The following NFIA variants were observed in gnomAD, a reference collection of about 807,000 sequenced individuals.
NFIA encodes the protein nuclear factor I A.
NFIA carries 8 observed loss-of-function variants against 62.8 expected under a neutral mutation model. That is an observed-to-expected ratio of 0.13 (90% CI 0.07 to 0.23). The LOEUF is 0.23. Ranked by LOEUF, NFIA falls within the 10% of genes least tolerant of loss-of-function variation. The pLI, the probability that NFIA is intolerant of heterozygous loss-of-function variation, is 1.00. For missense variants in NFIA, 410 were observed against 642.1 expected, an observed-to-expected ratio of 0.64 and a Z score of 3.91; for synonymous variants, 235 against 238.1, an observed-to-expected ratio of 0.99 and a Z score of 0.12.
At chr1:61,256,352 C>T (rs1656393893) in intron 2 of NFIA, among the ~76,000 whole-genome samples, 1 of 150,068 alleles carries the variant, frequency 6.7e-6, no homozygotes, top group Admixed American at 6.7e-5. Flanking sequence ...AGGAGAATCG[C>T]TTGAACCGAG....
At chr1:61,112,829 T>A (rs1053504749) in intron 2 of NFIA, among the ~76,000 whole-genome samples, 2 of 152,176 alleles carry the variant, frequency 1.3e-5, no homozygotes, top group Middle Eastern at 3.2e-3. Context: ...TTCATATGCA[T>A]TGATTATTAT....
chr1:61,128,915 GTTTTTTTTTTTTT>G (rs10635152), intron 2 of NFIA, among the ~76,000 whole-genome samples: 10 of 74,138 alleles, frequency 1.3e-4, no homozygotes, highest in African/African-American at 5.7e-4. Context: ...GCTTACTTAT[GTTTTTTTTTTTTT>G]TTTTTTTTTT....
chr1:61,207,316 C>A (rs1437949059), intron 2 of NFIA, among the ~76,000 whole-genome samples: 2 of 152,228 alleles, frequency 1.3e-5, no homozygotes, highest in South Asian at 2.1e-4. Flanking sequence ...AAACAATAGA[C>A]CCATTTCACA....
At position 61,456,510 on chromosome 1, in the gene NFIA, G is replaced by A. The variant is rs1668307613; in HGVS notation, c.*1190G>A. 6.6e-6 allele frequency: 1 copy of A among 151,920 alleles called. No individual in the cohort carries two copies. The highest frequency in any genetic ancestry group is 1.5e-5 in the Non-Finnish European group (1 of 67,914). 9.4% of individuals were successfully genotyped at this position (151,920 alleles called of 1,614,324 possible). On this transcript the variant is annotated 3_prime_UTR_variant, in exon 11 of 11. Coordinates refer to ENST00000403491, the MANE Select transcript of NFIA (RefSeq NM_001134673.4). ...ATCATGGTATCTGTTAATTTTATAA[G>A]CTAGAAGTCACTATAATGGATTACG... is the stretch of plus-strand genomic sequence containing the variant.
rs564333462 is a variant in NFIA, at chr1:61,412,916, T to C, written c.1420+6189T>C. ...ACTTTAAGTTCCAATTTTTATATTG[T>C]AGATTGGAATCAATATACTATAAAA... On this transcript the variant is annotated intron_variant, in intron 9 of 10. Coordinates refer to ENST00000403491, the MANE Select transcript of NFIA (RefSeq NM_001134673.4). Among the ~76,000 whole-genome samples, 7 of 152,268 alleles carry C rather than the reference T, an allele frequency of 4.6e-5. 1 individual carries two copies. The South Asian group carries it at 1.4e-3, about 32-fold the overall frequency.
intron 9 of NFIA, among the ~76,000 whole-genome samples, chr1:61,425,704 A>G (rs1666835113): frequency 6.6e-6 from 1 of 152,226 alleles, no homozygotes; most frequent in African/African-American, 2.4e-5. Context: ...GCTCTTAAGT[A>G]CAGATACAAA....
At chr1:61,375,267 C>A (rs542870699) in intron 6 of NFIA, among the ~76,000 whole-genome samples, 1 of 152,242 alleles carries the variant, frequency 6.6e-6, no homozygotes, top group South Asian at 2.1e-4. Context: ...TACTGGTACT[C>A]AGCATTCATG....
chr1:61,446,472 G>A (rs572299953), intron 10 of NFIA, among the ~76,000 whole-genome samples: 2 of 152,158 alleles, frequency 1.3e-5, no homozygotes, highest in African/African-American at 4.8e-5. Flanking sequence ...CTAACTTGAG[G>A]GGTGGGAGGA....
chr1:61,393,204 T>A (rs1665073240), intron 7 of NFIA, among the ~76,000 whole-genome samples: 1 of 96,256 alleles, frequency 1.0e-5, no homozygotes, highest in Non-Finnish European at 1.9e-5. Flanking sequence ...AACTTGTATC[T>A]CCTCTTTATG....
chr1:61,302,531 T>C (rs1379688499), intron 3 of NFIA, among the ~76,000 whole-genome samples: 1 of 152,106 alleles, frequency 6.6e-6, no homozygotes, highest in Non-Finnish European at 1.5e-5. Context: ...AAACATGTGG[T>C]GTGTGTTGGG....
At chr1:61,167,272 A>T (rs1317252285) in intron 2 of NFIA, among the ~76,000 whole-genome samples, 1 of 152,244 alleles carries the variant, frequency 6.6e-6, no homozygotes, top group African/African-American at 2.4e-5. Flanking sequence ...GAGTGTACTC[A>T]TGTATGATCG....
intron 2 of NFIA, among the ~76,000 whole-genome samples, chr1:61,185,371 AAG>A (rs1233012845): frequency 1.3e-5 from 2 of 152,226 alleles, no homozygotes; most frequent in Non-Finnish European, 2.9e-5. Flanking sequence ...AAAGGAAAAA[AAG>A]GGGAATATCT....
intron 4 of NFIA, 128 bp downstream of exon 4, chr1:61,332,714 GAC>G (rs1661361621): frequency 7.5e-6 from 5 of 662,638 alleles, no homozygotes; most frequent in Non-Finnish European, 1.0e-5. Flanking sequence ...GAAGAATTTT[GAC>G]ACACAGTTTG....
chr1:61,141,162 G>A (rs756292082), intron 2 of NFIA, among the ~76,000 whole-genome samples: 1 of 152,004 alleles, frequency 6.6e-6, no homozygotes, highest in South Asian at 2.1e-4. Context: ...TAAGTGTCTG[G>A]TGAAAGTAGG....
At chr1:61,267,710 C>T (rs1206441604) in intron 2 of NFIA, among the ~76,000 whole-genome samples, 1 of 152,156 alleles carries the variant, frequency 6.6e-6, no homozygotes, top group Non-Finnish European at 1.5e-5. Context: ...GTATTGATTG[C>T]TGCTAATAGT....
rs558892415 is a variant in NFIA at position 61,339,199 on chromosome 1, G to A, written c.700+6613G>A. 3.3e-5 allele frequency among the ~76,000 whole-genome samples: 5 copies of A among 152,232 alleles called. No homozygotes were observed. The South Asian group carries it at 1.0e-3, about 32-fold the overall frequency. On this transcript the variant is annotated intron_variant, in intron 4 of 10. Coordinates refer to ENST00000403491, the MANE Select transcript of NFIA (RefSeq NM_001134673.4). ...GGCATAATTGGATGGTCAATAGCAG[G>A]CTCTACTAGTAATTTTAAAATGAAC...
At chr1:61,338,804 C>G (rs1661751727) in intron 4 of NFIA, among the ~76,000 whole-genome samples, 1 of 152,184 alleles carries the variant, frequency 6.6e-6, no homozygotes, top group South Asian at 2.1e-4. Flanking sequence ...TACTTTAGAT[C>G]TTAATTAAAG....
At position 61,462,394 on chromosome 1, in the gene NFIA, T is replaced by C. The variant is rs1430122425; in HGVS notation, c.*7074T>C. 1 of 152,236 alleles carries C rather than the reference T, an allele frequency of 6.6e-6. No individual in the cohort carries two copies. The highest frequency in any genetic ancestry group is 6.5e-5 in the Admixed American group (1 of 15,282). The allele number at this position is 152,236 out of a possible 1,614,324, so 9.4% of individuals were successfully genotyped here. A position where few individuals can be genotyped will look rare whatever the true frequency, so the allele number is the denominator to read the frequency against. On this transcript the variant is annotated 3_prime_UTR_variant, in exon 11 of 11. Transcript: ENST00000403491. ...CTGTCCACTCGGAATACCTCTGTTT[T>C]CCATTTCAAATTGTAGGGGGAGGGG...
At chr1:61,117,115 T>G (rs1443103628) in intron 2 of NFIA, among the ~76,000 whole-genome samples, 1 of 152,246 alleles carries the variant, frequency 6.6e-6, no homozygotes, top group Non-Finnish European at 1.5e-5. Context: ...AGTTTAATTG[T>G]TCAATTTCAC....
Sources: allele counts gnomAD v4.1 joint callset (sites outside exome capture counted in the v4.1 genomes callset), GRCh38; gene constraint gnomAD v4.1.1; transcripts MANE v1.5; gene names NCBI Gene and HGNC (gene_info 2026-07-23, HGNC 2026-07-21).